ADD3: variants seen among roughly 807,000 people sequenced by gnomAD.
ADD3 encodes adducin 3, also known as gamma-adducin.
Under a neutral mutation model 80.2 loss-of-function variants are expected in ADD3, and 25 were observed. The observed-to-expected ratio is 0.31, with a 90% confidence interval of 0.23 to 0.44. The LOEUF is 0.44. Ranked by LOEUF, ADD3 falls within the 20% of genes least tolerant of loss-of-function variation. The pLI, the probability that ADD3 is intolerant of heterozygous loss-of-function variation, is 1.00. For synonymous variants in ADD3, 284 were observed against 289.6 expected (o/e 0.98, Z 0.20); for missense variants, 829 against 847.5 (o/e 0.98, Z 0.27).
chr10:110,007,619 G>GC (rs1851757769), upstream of ADD3, among the ~76,000 whole-genome samples: 1 of 152,186 alleles, frequency 6.6e-6, no homozygotes, highest in Non-Finnish European at 1.5e-5. Context: ...GTCAGAAGAG[G>GC]ACGTTGAAAA....
chr10:110,096,414 C>T (rs539318216), intron 1 of ADD3, among the ~76,000 whole-genome samples: 1 of 152,320 alleles, frequency 6.6e-6, no homozygotes, highest in African/African-American at 2.4e-5. Context: ...TTTGTTATTA[C>T]AGCACCAGTA....
At chr10:110,028,835 A>C (rs948131032) in intron 1 of ADD3, among the ~76,000 whole-genome samples, 1 of 151,252 alleles carries the variant, frequency 6.6e-6, no homozygotes. Flanking sequence ...AAAAATCACA[A>C]TTAACTCTCG....
intron 1 of ADD3, among the ~76,000 whole-genome samples, chr10:110,084,470 A>G (rs912129038): frequency 2.0e-5 from 3 of 152,206 alleles, no homozygotes; most frequent in African/African-American, 4.8e-5. Flanking sequence ...AGTGCAGTTC[A>G]TGTTTTAAAT....
chr10:110,122,433 A>AGTG (rs1851622450), intron 9 of ADD3, 141 bp downstream of exon 9: 3 of 694,594 alleles, frequency 4.3e-6, no homozygotes, highest in Non-Finnish European at 7.1e-6. Context: ...TTATTTAACC[A>AGTG]CACCTTTGAG....
At position 110,116,249 on chromosome 10, in the gene ADD3, G is replaced by A; in HGVS notation, c.335-10G>A. The A allele has an allele frequency of 6.2e-7, 1 of 1,607,906 alleles. No homozygotes were observed. The highest frequency in any genetic ancestry group is 1.7e-5 in the Admixed American group (1 of 58,436). The stretch of plus-strand genomic sequence containing the variant: ...ACTCGTATCTCTCTCCACATTTTTT[G>A]CTCTTTTAGGTCTTGGCATGGTCAC... On this transcript the variant is annotated splice_polypyrimidine_tract_variant and intron_variant, in intron 3 of 14. Coordinates refer to ENST00000356080, the MANE Select transcript of ADD3 (RefSeq NM_016824.5).
intron 1 of ADD3, among the ~76,000 whole-genome samples, chr10:110,079,002 G>T (rs1265018132): frequency 6.6e-6 from 1 of 152,020 alleles, no homozygotes; most frequent in Non-Finnish European, 1.5e-5. Context: ...TAAAGAAAAT[G>T]GAATATTTTT....
At chr10:110,051,347 A>C (rs1382420840) in intron 1 of ADD3, among the ~76,000 whole-genome samples, 1 of 152,244 alleles carries the variant, frequency 6.6e-6, no homozygotes, top group Non-Finnish European at 1.5e-5. Context: ...TGGAGAAATT[A>C]GAAACTGCTG....
chr10:110,090,756 TAGTC>T (rs1847400147), intron 1 of ADD3, among the ~76,000 whole-genome samples: 2 of 152,236 alleles, frequency 1.3e-5, no homozygotes, highest in African/African-American at 2.4e-5. Context: ...AATGACTGCT[TAGTC>T]AGACATCAAC....
At chr10:110,094,628 T>G (rs937043519) in intron 1 of ADD3, among the ~76,000 whole-genome samples, 1 of 152,190 alleles carries the variant, frequency 6.6e-6, no homozygotes, top group African/African-American at 2.4e-5. Flanking sequence ...TCTGTCAATT[T>G]CCATGTCAGT....
chr10:110,048,120 G>A lies in ADD3; in HGVS notation c.-30+39821G>A, dbSNP rs189718995. Among the ~76,000 whole-genome samples the A allele has an allele frequency of 1.6e-3, 238 of 152,198 alleles. 1 individual carries two copies. Among genetic ancestry groups the A allele is most frequent in the African/African-American group, 5.4e-3 (226 of 41,522 alleles). Reference sequence around the variant, plus strand: ...TCTTGTGGTTGTCCTTAAGTCTCACGAGATGTGATGATTTTATAAGGGGTT... The same window carrying A: ...TCTTGTGGTTGTCCTTAAGTCTCACAAGATGTGATGATTTTATAAGGGGTT... On this transcript the variant is annotated intron_variant, in intron 1 of 14. Transcript: ENST00000356080.
At chr10:110,129,519 T>C (rs1165596208) in intron 12 of ADD3, among the ~76,000 whole-genome samples, 1 of 152,172 alleles carries the variant, frequency 6.6e-6, no homozygotes, top group Admixed American at 6.5e-5. Context: ...CTCTGTGGAA[T>C]AGGGAAGGGA....
At chr10:110,003,617 C>T (rs945455628), upstream of ADD3, among the ~76,000 whole-genome samples, 3 of 152,138 alleles carry the variant, frequency 2.0e-5, no homozygotes, top group Non-Finnish European at 2.9e-5. Flanking sequence ...ACAAGCATGT[C>T]GAGAAACTTG....
intron 1 of ADD3, among the ~76,000 whole-genome samples, chr10:110,025,285 C>T (rs1288812913): frequency 1.3e-5 from 2 of 151,892 alleles, no homozygotes; most frequent in African/African-American, 4.8e-5. Flanking sequence ...AATAATCTTT[C>T]ACTCATACTA....
intron 4 of ADD3, 69 bp downstream of exon 4, chr10:110,116,479 C>G: frequency 6.6e-7 from 1 of 1,507,890 alleles, no homozygotes; most frequent in Non-Finnish European, 9.1e-7. Context: ...CTCTTCTTAC[C>G]TTTACCTGGA....
chr10:110,087,094 T>G (rs964779216), intron 1 of ADD3, among the ~76,000 whole-genome samples: 6 of 152,004 alleles, frequency 3.9e-5, no homozygotes, highest in African/African-American at 1.4e-4. Flanking sequence ...TGGCACGCCA[T>G]CTCAGCTCAC....
At chr10:110,080,393 T>G (rs1020295488) in intron 1 of ADD3, among the ~76,000 whole-genome samples, 4 of 152,244 alleles carry the variant, frequency 2.6e-5, no homozygotes, top group Non-Finnish European at 4.4e-5. Flanking sequence ...TATATGAAGT[T>G]TCTCATATTT....
chr10:110,084,440 T>C (rs1406778001), intron 1 of ADD3, among the ~76,000 whole-genome samples: 1 of 152,202 alleles, frequency 6.6e-6, no homozygotes, highest in Non-Finnish European at 1.5e-5. Flanking sequence ...TACCAAAATC[T>C]TTAGTTAAAT....
intron 1 of ADD3, among the ~76,000 whole-genome samples, chr10:110,077,959 TAGAC>T (rs1246498305): frequency 6.6e-6 from 1 of 152,200 alleles, no homozygotes; most frequent in African/African-American, 2.4e-5. Context: ...ACACTTTGGG[TAGAC>T]ACTCATTTGG....
chr10:110,036,721 C>G (rs1374872242), intron 1 of ADD3, among the ~76,000 whole-genome samples: 3 of 151,980 alleles, frequency 2.0e-5, no homozygotes, highest in African/African-American at 7.3e-5. Context: ...TAGATACTTT[C>G]ACTCTCTGAG....
Sources: allele counts gnomAD v4.1 joint callset (sites outside exome capture counted in the v4.1 genomes callset), GRCh38; gene constraint gnomAD v4.1.1; transcripts MANE v1.5; gene names NCBI Gene and HGNC (gene_info 2026-07-23, HGNC 2026-07-21).